The following LSM4 variants were observed in gnomAD, a reference collection of about 807,000 sequenced individuals.
The protein encoded by LSM4 is LSM4 homolog, U6 small nuclear RNA and mRNA degradation associated, also known as U6 snRNA-associated Sm-like protein LSm4.
A neutral mutation model predicts 22.3 loss-of-function variants in LSM4; 15 were observed. The ratio of observed to expected loss-of-function variants is 0.67; its 90% CI spans 0.45 to 1.03. The LOEUF (loss-of-function observed/expected upper bound fraction) is 1.03. Ranked by LOEUF, LSM4 falls within the 50% of genes least tolerant of loss-of-function variation. The pLI is 0.00. For synonymous variants in LSM4, 90 were observed against 79.8 expected, an observed-to-expected ratio of 1.13 and a Z score of -0.68; for missense variants, 127 against 198.0, an observed-to-expected ratio of 0.64 and a Z score of 2.15.
chr19:18,312,212 A>C, intron 3 of LSM4: 1 of 161,136 alleles, frequency 6.2e-6, no homozygotes, highest in Non-Finnish European at 1.4e-5. Context: ...GGCATCCCGG[A>C]CATCCCAGGG....
intron 3 of LSM4, among the ~76,000 whole-genome samples, chr19:18,311,456 A>G (rs1424209810): frequency 1.3e-5 from 2 of 152,186 alleles, no homozygotes; most frequent in African/African-American, 4.8e-5. Context: ...CAGAGGCCAA[A>G]CCAACCCCTG....
intron 4 of LSM4, among the ~76,000 whole-genome samples, chr19:18,307,796 G>A (rs1274830129): frequency 1.5e-5 from 2 of 130,560 alleles, no homozygotes; most frequent in Non-Finnish European, 3.4e-5. Context: ...CGGGGGGGGG[G>A]GACTAGGCGA....
intron 2 of LSM4, among the ~76,000 whole-genome samples, chr19:18,313,299 T>C (rs1006392683): frequency 1.3e-5 from 2 of 151,874 alleles, no homozygotes; most frequent in African/African-American, 2.4e-5. Flanking sequence ...AGTGAGACAA[T>C]GGTGATGGTG....
At chr19:18,315,784 A>G (rs1389936532) in intron 2 of LSM4, among the ~76,000 whole-genome samples, 1 of 152,108 alleles carries the variant, frequency 6.6e-6, no homozygotes, top group African/African-American at 2.4e-5. Flanking sequence ...GGCCTCCCAA[A>G]GTGCTGGGAT....
intron 1 of LSM4, among the ~76,000 whole-genome samples, chr19:18,319,210 C>G (rs935089754): frequency 2.0e-5 from 3 of 151,458 alleles, no homozygotes; most frequent in African/African-American, 7.3e-5. Context: ...CCACTGCACT[C>G]CAGCCTGGGC....
chr19:18,315,960 C>T lies in LSM4; in HGVS notation c.45+64G>A, dbSNP rs1201622576. 3.9e-6 allele frequency: 6 copies of T among 1,528,586 alleles called. No individual in the cohort carries two copies. In the East Asian group the frequency reaches 1.1e-4, roughly 29 times the overall value. 94.7% of individuals were successfully genotyped at this position (1,528,586 alleles called of 1,614,324 possible). On this transcript the variant is annotated intron_variant, in intron 2 of 4. Coordinates refer to ENST00000593829, the MANE Select transcript of LSM4 (RefSeq NM_012321.5). ...CAGGCCAGGAAGCCGTCTGCTCAGCCACCGCCCCTGTGCTGAGGCTGGCCC... is the reference window on the plus strand; with the variant it reads ...CAGGCCAGGAAGCCGTCTGCTCAGCTACCGCCCCTGTGCTGAGGCTGGCCC...
rs931132850 is a variant in LSM4, at chr19:18,306,588, G to T, written c.*876C>A. 1 of 152,454 alleles carries T rather than the reference G, an allele frequency of 6.6e-6. No individual in the cohort carries two copies. Among genetic ancestry groups the T allele is most frequent in the Admixed American group, 6.5e-5 (1 of 15,288 alleles). 9.4% of individuals were successfully genotyped at this position (152,454 alleles called of 1,614,324 possible). ...TGGAGTCCAGGCCACCCAGGAGGGG[G>T]TGATGGGGACCATGCGTGGCCCCTG... On this transcript the variant is annotated 3_prime_UTR_variant, in exon 5 of 5. Transcript: ENST00000593829.
intron 1 of LSM4, among the ~76,000 whole-genome samples, chr19:18,317,113 C>T (rs537447670): frequency 5.9e-5 from 9 of 151,690 alleles, no homozygotes; most frequent in Admixed American, 6.6e-5. Flanking sequence ...TTCCACCTCC[C>T]GGGTTCAAGT....
chr19:18,314,369 C>T (rs1970330325), intron 2 of LSM4, among the ~76,000 whole-genome samples: 1 of 150,998 alleles, frequency 6.6e-6, no homozygotes, highest in Non-Finnish European at 1.5e-5. Context: ...AAAAAAAATA[C>T]AAAAAAAATT....
At chr19:18,310,587 C>T (rs370117849) in intron 3 of LSM4, among the ~76,000 whole-genome samples, 9 of 152,168 alleles carry the variant, frequency 5.9e-5, no homozygotes, top group African/African-American at 2.2e-4. Context: ...TGGGACAGAT[C>T]GAGGGATTAG....
At chr19:18,322,995 C>G in intron 1 of LSM4, 23 bp downstream of exon 1, 3 of 1,592,190 alleles carry the variant, frequency 1.9e-6, no homozygotes, top group Non-Finnish European at 1.7e-6. Context: ...CCCGGTGAGA[C>G]CCCGCAGTTG....
At chr19:18,316,595 G>A (rs1227932804) in intron 1 of LSM4, among the ~76,000 whole-genome samples, 3 of 152,100 alleles carry the variant, frequency 2.0e-5, no homozygotes, top group South Asian at 2.1e-4. Context: ...TGATCCACCC[G>A]CCTCGGCTTC....
chr19:18,320,153 C>G (rs1970410091), intron 1 of LSM4, among the ~76,000 whole-genome samples: 1 of 152,164 alleles, frequency 6.6e-6, no homozygotes, highest in Non-Finnish European at 1.5e-5. Flanking sequence ...TCTCCAAACT[C>G]TGTTGGAGAG....
chr19:18,307,674 TG>T, intron 4 of LSM4, 119 bp from the exon 5 acceptor site: 1 of 669,186 alleles, frequency 1.5e-6, no homozygotes, highest in Non-Finnish European at 2.3e-6. Context: ...CTTCCTCATG[TG>T]TGAGGTGGTG....
intron 1 of LSM4, among the ~76,000 whole-genome samples, chr19:18,317,639 AC>A (rs1446807422): frequency 2.0e-5 from 3 of 151,112 alleles, no homozygotes; most frequent in Admixed American, 6.6e-5. Flanking sequence ...GAGCCACCGC[AC>A]CCGGCCCTGA....
chr19:18,313,228 G>A (rs902796076), intron 2 of LSM4, among the ~76,000 whole-genome samples: 3 of 152,156 alleles, frequency 2.0e-5, no homozygotes, highest in African/African-American at 7.2e-5. Flanking sequence ...CTGAGCAACA[G>A]AGTGCCACTT....
chr19:18,319,346 G>A (rs907082751), intron 1 of LSM4, among the ~76,000 whole-genome samples: 2 of 151,996 alleles, frequency 1.3e-5, no homozygotes, highest in Non-Finnish European at 1.5e-5. Flanking sequence ...GGCGGATCAC[G>A]AGGTCAGGAG....
intron 1 of LSM4, 38 bp from the exon 2 acceptor site, chr19:18,316,103 A>G (rs1394564161): frequency 5.3e-5 from 85 of 1,609,346 alleles, no homozygotes; most frequent in Non-Finnish European, 7.2e-5. Flanking sequence ...TGTCTGTTTG[A>G]CCAGCGCCTG....
At chr19:18,312,761 C>T in intron 2 of LSM4, 59 bp from the exon 3 acceptor site, 1 of 1,313,148 alleles carries the variant, frequency 7.6e-7, no homozygotes, top group Non-Finnish European at 1.1e-6. Flanking sequence ...CCATGGGCCC[C>T]TCAGGAGGTG....
Sources: allele counts gnomAD v4.1 joint callset (sites outside exome capture counted in the v4.1 genomes callset), GRCh38; gene constraint gnomAD v4.1.1; transcripts MANE v1.5; gene names NCBI Gene and HGNC (gene_info 2026-07-23, HGNC 2026-07-21).